The following COG3 variants were observed in gnomAD, a reference collection of about 807,000 sequenced individuals.
COG3 encodes the protein component of oligomeric golgi complex 3.
Under a neutral mutation model 114.1 loss-of-function variants are expected in COG3, and 32 were observed. That is an observed-to-expected ratio of 0.28 (90% CI 0.21 to 0.38). The LOEUF is 0.38. Ranked by LOEUF, COG3 falls within the 10% of genes least tolerant of loss-of-function variation. The probability of loss-of-function intolerance (pLI) is 1.00; values close to 1 mark genes in which losing one functional copy is unlikely to be tolerated. For synonymous variants in COG3, 352 were observed against 365.7 expected (o/e 0.96, Z 0.43); for missense variants, 813 against 973.2 (o/e 0.84, Z 2.19).
chr13:45,492,164 T>C lies in COG3; in HGVS notation c.1101T>C (p.Arg367=). 6.2e-7 allele frequency: 1 copy of C among 1,601,232 alleles called. No individual in the cohort carries two copies. The highest frequency in any genetic ancestry group is 8.5e-7 in the Non-Finnish European group (1 of 1,173,150). The stretch of plus-strand genomic sequence containing the variant: ...TGTGTGTTTGTTTACTGCAGGTTCG[T>C]AGTGGCTGTGCCTTCATGGTTCATG... ...QNNRDHCALV[R]SGCAFMVHVC... The change falls in exon 11 of 23, where the codon CGT becomes CGC. Residue 367 remains arginine, a synonymous_variant. Coordinates refer to ENST00000349995, the MANE Select transcript of COG3 (RefSeq NM_031431.4).
chr13:45,489,794 G>A (rs1257297180), intron 8 of COG3, among the ~76,000 whole-genome samples: 1 of 146,818 alleles, frequency 6.8e-6, no homozygotes, highest in African/African-American at 2.5e-5. Flanking sequence ...TGGTTAGAAT[G>A]TACTCCTAGC....
intron 14 of COG3, among the ~76,000 whole-genome samples, chr13:45,504,499 C>T (rs571107638): frequency 3.9e-5 from 6 of 152,338 alleles, no homozygotes; most frequent in Non-Finnish European, 8.8e-5. Flanking sequence ...TAACCCATTA[C>T]TGGCATTACA....
At chr13:45,482,858 C>T (rs1886337433) in intron 6 of COG3, among the ~76,000 whole-genome samples, 1 of 152,196 alleles carries the variant, frequency 6.6e-6, no homozygotes, top group Non-Finnish European at 1.5e-5. Context: ...AATAAAGGGA[C>T]AAGCCCTTTG....
intron 14 of COG3, among the ~76,000 whole-genome samples, chr13:45,507,075 T>A (rs112725049): frequency 2.3e-4 from 35 of 152,190 alleles, no homozygotes; most frequent in Non-Finnish European, 3.5e-4. Flanking sequence ...GGCACTTGGC[T>A]TTTGAGGGTT....
intron 1 of COG3, among the ~76,000 whole-genome samples, chr13:45,473,280 T>C (rs1431210126): frequency 2.0e-5 from 3 of 152,202 alleles, no homozygotes; most frequent in African/African-American, 7.2e-5. Flanking sequence ...CAGATTTTTA[T>C]CTACTTGGTT....
At chr13:45,477,268 G>C (rs1885928159) in intron 2 of COG3, among the ~76,000 whole-genome samples, 1 of 151,990 alleles carries the variant, frequency 6.6e-6, no homozygotes, top group South Asian at 2.1e-4. Flanking sequence ...AGTGTTCTCA[G>C]GTTCACTTGA....
rs142678425 is a variant in COG3 at position 45,524,983 on chromosome 13, C to G, written c.2162C>G (p.Ala721Gly). 1 of 1,613,078 alleles carries G rather than the reference C, an allele frequency of 6.2e-7. No individual in the cohort carries two copies. The highest frequency in any genetic ancestry group is 8.5e-7 in the Non-Finnish European group (1 of 1,179,450). The change falls in exon 20 of 23, where the codon GCG becomes GGG. Residue 721 changes from alanine (A) to glycine (G), a missense_variant. Ala to Gly is a moderately conservative substitution (Grantham distance 60). Around this residue, in one of 2 missense-constraint regions of COG3, gnomAD observed 389 missense variants for 542.6 expected, o/e 0.72. Coordinates refer to ENST00000349995, the MANE Select transcript of COG3 (RefSeq NM_031431.4). ...QLEEFMTKVS[A>G]LKTMASQGGP... ...TTTTGTCTCCTCTATTAGGTTTCAGCGTTAAAAACAATGGCCAGTCAGGGA... is the reference window on the plus strand; with the variant it reads ...TTTTGTCTCCTCTATTAGGTTTCAGGGTTAAAAACAATGGCCAGTCAGGGA...
chr13:45,487,779 T>C (rs577599152), intron 8 of COG3, among the ~76,000 whole-genome samples: 1 of 152,318 alleles, frequency 6.6e-6, no homozygotes, highest in Non-Finnish European at 1.5e-5. Context: ...TTATACACTG[T>C]TGATGGGAAT....
At chr13:45,505,986 C>T in intron 14 of COG3, among the ~76,000 whole-genome samples, 1 of 152,080 alleles carries the variant, frequency 6.6e-6, no homozygotes, top group East Asian at 1.9e-4. Context: ...ACCTCTGCCT[C>T]CTGGGCTTAA....
intron 1 of COG3, among the ~76,000 whole-genome samples, chr13:45,473,175 C>T (rs564683936): frequency 6.6e-5 from 10 of 152,168 alleles, no homozygotes; most frequent in African/African-American, 2.2e-4. Flanking sequence ...GGCCTGTTTC[C>T]TCTTGTAATG....
chr13:45,466,790 G>A (rs561926721), intron 1 of COG3, among the ~76,000 whole-genome samples: 2 of 152,262 alleles, frequency 1.3e-5, no homozygotes, highest in Non-Finnish European at 2.9e-5. Flanking sequence ...TGAGCATGAA[G>A]GAGAACGTTT....
intron 14 of COG3, among the ~76,000 whole-genome samples, chr13:45,506,054 G>A (rs978004023): frequency 1.6e-5 from 2 of 121,764 alleles, no homozygotes; most frequent in Non-Finnish European, 1.7e-5. Flanking sequence ...ATGCCATCAC[G>A]CCTAGCTAAC....
intron 13 of COG3, 75 bp from the exon 14 acceptor site, chr13:45,503,169 C>T: frequency 1.4e-6 from 1 of 694,428 alleles, no homozygotes; most frequent in South Asian, 1.8e-5. Context: ...TATATATGTA[C>T]TTTGTATAAA....
intron 16 of COG3, among the ~76,000 whole-genome samples, chr13:45,513,794 A>G (rs1345069748): frequency 2.0e-5 from 3 of 151,954 alleles, no homozygotes; most frequent in African/African-American, 7.2e-5. Context: ...GTGAAATTAG[A>G]AAACACATGT....
intron 1 of COG3, among the ~76,000 whole-genome samples, chr13:45,466,308 G>A (rs987750777): frequency 2.6e-5 from 4 of 152,100 alleles, no homozygotes; most frequent in African/African-American, 9.7e-5. Flanking sequence ...GAAAATGCTG[G>A]GATTACAGTC....
At chr13:45,489,646 C>A (rs1886902530) in intron 8 of COG3, among the ~76,000 whole-genome samples, 1 of 152,012 alleles carries the variant, frequency 6.6e-6, no homozygotes. Flanking sequence ...CTAGCAGTAA[C>A]CTTAACAAAC....
chr13:45,516,110 TG>T, intron 16 of COG3, 32 bp from the exon 17 acceptor site: 1 of 1,469,268 alleles, frequency 6.8e-7, no homozygotes. Flanking sequence ...ATTTAATATG[TG>T]ATCATATCCA....
At chr13:45,486,338 A>AGGGAG (rs778425569) in intron 7 of COG3, among the ~76,000 whole-genome samples, 157 bp from the exon 8 acceptor site, 4,703 of 68,072 alleles carry the variant, frequency 0.069, 289 homozygotes, top group East Asian at 0.086. Context: ...GAGACGGGAG[A>AGGGAG]CGGGAGAGGG....
chr13:45,493,693 G>T, intron 12 of COG3: 1 of 345,806 alleles, frequency 2.9e-6, no homozygotes, highest in Non-Finnish European at 5.2e-6. Context: ...TTAAAATCTG[G>T]GTAAAATTAG....
Sources: allele counts gnomAD v4.1 joint callset (sites outside exome capture counted in the v4.1 genomes callset), GRCh38; gene constraint gnomAD v4.1.1; regional missense constraint gnomAD v4.1.1; transcripts MANE v1.5; gene names NCBI Gene and HGNC (gene_info 2026-07-23, HGNC 2026-07-21).